PTPRD: variants seen among roughly 807,000 people sequenced by gnomAD.
PTPRD encodes protein tyrosine phosphatase receptor type D.
PTPRD carries 34 observed loss-of-function variants against 214.5 expected under a neutral mutation model. That is an observed-to-expected ratio of 0.16 (90% CI 0.12 to 0.21). The LOEUF (loss-of-function observed/expected upper bound fraction) is 0.21, where lower values mean the gene tolerates loss of function less well. Among genes scored for constraint, PTPRD ranks in the 10% least tolerant of loss-of-function variants. The pLI, the probability that PTPRD is intolerant of heterozygous loss-of-function variation, is 1.00. For synonymous variants in PTPRD, 1,128 were observed against 845.7 expected (o/e 1.33, Z -5.79); for missense variants, 2,545 against 2,398.7 (o/e 1.06, Z -1.27).
At chr9:9,539,653 A>C (rs1476540104) in intron 8 of PTPRD, among the ~76,000 whole-genome samples, 1 of 151,866 alleles carries the variant, frequency 6.6e-6, no homozygotes. Context: ...GATAAAATAT[A>C]CAAGTAAAAT....
intron 9 of PTPRD, among the ~76,000 whole-genome samples, chr9:9,312,740 A>AAATG (rs971415683): frequency 2.0e-5 from 3 of 152,338 alleles, no homozygotes; most frequent in African/African-American, 4.8e-5. Flanking sequence ...GTTAGAAAAT[A>AAATG]AATGAATGAA....
intron 5 of PTPRD, among the ~76,000 whole-genome samples, chr9:9,852,837 G>C (rs1189548479): frequency 6.6e-6 from 1 of 152,102 alleles, no homozygotes; most frequent in African/African-American, 2.4e-5. Flanking sequence ...GGGAAGTTTA[G>C]TGGTTTCTCT....
At chr9:9,569,139 C>G (rs749413741) in intron 8 of PTPRD, among the ~76,000 whole-genome samples, 2 of 151,574 alleles carry the variant, frequency 1.3e-5, no homozygotes, top group African/African-American at 4.8e-5. Context: ...TCATCTGCAG[C>G]GAGTAATAAT....
chr9:8,645,116 C>T (rs1268088598), intron 12 of PTPRD, among the ~76,000 whole-genome samples: 1 of 152,150 alleles, frequency 6.6e-6, no homozygotes, highest in Non-Finnish European at 1.5e-5. Context: ...AAAATGTATA[C>T]TGATTGTCTT....
At chr9:10,254,643 A>G (rs1391590571) in intron 3 of PTPRD, among the ~76,000 whole-genome samples, 1 of 152,168 alleles carries the variant, frequency 6.6e-6, no homozygotes, top group Non-Finnish European at 1.5e-5. Flanking sequence ...AAATAGAGTA[A>G]AAGATTCCCA....
intron 11 of PTPRD, among the ~76,000 whole-genome samples, chr9:8,901,032 T>C (rs987646434): frequency 1.3e-5 from 2 of 151,800 alleles, no homozygotes; most frequent in Admixed American, 6.6e-5. Context: ...AAAGGGGATA[T>C]AGAAAAAAGG....
chr9:10,534,716 AG>A (rs574735316), intron 2 of PTPRD, among the ~76,000 whole-genome samples: 1 of 152,278 alleles, frequency 6.6e-6, no homozygotes, highest in Non-Finnish European at 1.5e-5. Flanking sequence ...AAGAAGAAGA[AG>A]AAAAAAAAGC....
chr9:9,077,066 C>A (rs1006681459), intron 10 of PTPRD, among the ~76,000 whole-genome samples: 7 of 151,530 alleles, frequency 4.6e-5, no homozygotes, highest in South Asian at 2.1e-4. Context: ...TGTTGAGCAC[C>A]TTTTCATATA....
chr9:8,611,724 G>T (rs2095453611), intron 14 of PTPRD, among the ~76,000 whole-genome samples: 1 of 120,382 alleles, frequency 8.3e-6, no homozygotes, highest in Non-Finnish European at 1.8e-5. Context: ...AAAAAGAAAA[G>T]ACAAAAGAAA....
At chr9:10,008,416 C>T (rs559915853) in intron 4 of PTPRD, among the ~76,000 whole-genome samples, 3 of 151,926 alleles carry the variant, frequency 2.0e-5, no homozygotes, top group African/African-American at 7.2e-5. Flanking sequence ...ATATAGGAAG[C>T]CTGTGTGGCC....
intron 9 of PTPRD, among the ~76,000 whole-genome samples, chr9:9,395,825 T>C (rs2067579355): frequency 6.6e-6 from 1 of 152,108 alleles, no homozygotes. Flanking sequence ...CTTTCAAGCA[T>C]AATAATGACG....
At chr9:9,765,473 A>G (rs1034502215) in intron 6 of PTPRD, among the ~76,000 whole-genome samples, 2 of 152,184 alleles carry the variant, frequency 1.3e-5, no homozygotes, top group African/African-American at 4.8e-5. Context: ...ACAGGGAAAA[A>G]TAAAGAACAG....
chr9:10,140,109 T>G (rs1434363200), intron 3 of PTPRD, among the ~76,000 whole-genome samples: 1 of 152,024 alleles, frequency 6.6e-6, no homozygotes, highest in Non-Finnish European at 1.5e-5. Flanking sequence ...TCTGACAATC[T>G]GTGCTCAGAC....
At chr9:10,291,354 C>A (rs1174858402) in intron 3 of PTPRD, among the ~76,000 whole-genome samples, 1 of 152,098 alleles carries the variant, frequency 6.6e-6, no homozygotes, top group African/African-American at 2.4e-5. Context: ...TAATCCTTGA[C>A]ATCCTAATCC....
At chr9:10,233,223 G>A (rs868289019) in intron 3 of PTPRD, among the ~76,000 whole-genome samples, 3 of 151,956 alleles carry the variant, frequency 2.0e-5, no homozygotes, top group Non-Finnish European at 4.4e-5. Context: ...AAATGATAGT[G>A]ACTAAGGTCT....
At chr9:9,329,561 A>G (rs1162235608) in intron 9 of PTPRD, among the ~76,000 whole-genome samples, 2 of 152,196 alleles carry the variant, frequency 1.3e-5, no homozygotes, top group Non-Finnish European at 2.9e-5. Flanking sequence ...GAATAATTAA[A>G]CAGCTCCTCT....
chr9:8,442,653 C>A (rs1358286923), intron 34 of PTPRD, among the ~76,000 whole-genome samples: 1 of 152,120 alleles, frequency 6.6e-6, no homozygotes, highest in Admixed American at 6.5e-5. Context: ...AAAATTCATT[C>A]ATTAAATATT....
intron 5 of PTPRD, among the ~76,000 whole-genome samples, chr9:9,880,355 C>T (rs2068266443): frequency 6.6e-6 from 1 of 152,034 alleles, no homozygotes; most frequent in Non-Finnish European, 1.5e-5. Context: ...AAACAAGATG[C>T]CTAAAAGATA....
At chr9:9,052,676 G>C (rs1569510644) in intron 10 of PTPRD, among the ~76,000 whole-genome samples, 1 of 152,136 alleles carries the variant, frequency 6.6e-6, no homozygotes, top group Admixed American at 6.5e-5. Context: ...AACAATCAAA[G>C]GCAATTGTTG....
Sources: allele counts gnomAD v4.1 joint callset (sites outside exome capture counted in the v4.1 genomes callset), GRCh38; gene constraint gnomAD v4.1.1; transcripts MANE v1.5; gene names NCBI Gene and HGNC (gene_info 2026-07-23, HGNC 2026-07-21).